The following PRDM2 variants were observed in gnomAD, a reference collection of about 807,000 sequenced individuals.
PRDM2 encodes PR/SET domain 2, also known as PR domain zinc finger protein 2.
A neutral mutation model predicts 130.0 loss-of-function variants in PRDM2; 30 were observed. That is an observed-to-expected ratio of 0.23 (90% CI 0.17 to 0.31). The LOEUF (loss-of-function observed/expected upper bound fraction) is 0.31, where lower values mean the gene tolerates loss of function less well. Ranked by LOEUF, PRDM2 falls within the 10% of genes least tolerant of loss-of-function variation. The pLI, the probability that PRDM2 is intolerant of heterozygous loss-of-function variation, is 1.00. For missense variants in PRDM2, 2,011 were observed against 2,108.4 expected, an observed-to-expected ratio of 0.95 and a Z score of 0.90; for synonymous variants, 871 against 782.4, an observed-to-expected ratio of 1.11 and a Z score of -1.89.
intron 6 of PRDM2, among the ~76,000 whole-genome samples, chr1:13,756,983 A>G (rs1199750931): frequency 2.6e-5 from 4 of 152,248 alleles, no homozygotes; most frequent in African/African-American, 9.6e-5. Flanking sequence ...GTTTTTATGC[A>G]TGATGTTTCT....
intron 8 of PRDM2, chr1:13,783,047 C>A: frequency 2.7e-6 from 3 of 1,114,680 alleles, no homozygotes; most frequent in Non-Finnish European, 2.5e-6. Context: ...CAAAGCAGTG[C>A]CACTTCTTTA....
chr1:13,726,585 C>T (rs950543778), intron 2 of PRDM2, among the ~76,000 whole-genome samples: 4 of 152,060 alleles, frequency 2.6e-5, no homozygotes, highest in East Asian at 1.9e-4. Context: ...GGAAGAGAAG[C>T]GGGTAGTGAC....
chr1:13,720,950 T>C (rs1642707740), intron 2 of PRDM2, among the ~76,000 whole-genome samples: 1 of 152,236 alleles, frequency 6.6e-6, no homozygotes, highest in South Asian at 2.1e-4. Flanking sequence ...CCCGTGTAAC[T>C]ATCACTGCTG....
At chr1:13,750,000 C>T (rs1643768176) in intron 6 of PRDM2, among the ~76,000 whole-genome samples, 1 of 152,192 alleles carries the variant, frequency 6.6e-6, no homozygotes, top group Admixed American at 6.5e-5. Context: ...CAGTGAGAGA[C>T]AGAGACAGGA....
Position 13,778,441 on chromosome 1 carries a change from C to G in PRDM2, c.646C>G (p.Pro216Ala), listed in dbSNP as rs530732909. ...AGGTCCTAAAGAAGACGAAGAGAAG[C>G]CTTCAGCCTCAGCACTTGAGCAGCC... ...AEGPKEDEEK[P>A]SASALEQPAT... The change falls in exon 8 of 10, where the codon CCT (proline) becomes GCT (alanine). Residue 216 changes from proline (P) to alanine (A), a missense_variant. Around this residue, in one of 5 missense-constraint regions of PRDM2, gnomAD observed 1,288 missense variants for 1,237.7 expected, o/e 1.04. Coordinates refer to ENST00000311066, the MANE Select transcript of PRDM2 (RefSeq NM_001393986.1). The G allele has an allele frequency of 1.9e-6, 3 of 1,611,184 alleles. No homozygotes were observed. In the Admixed American group the frequency reaches 5.1e-5, roughly 27 times the overall value.
intron 4 of PRDM2, among the ~76,000 whole-genome samples, chr1:13,733,780 A>C (rs937990610): frequency 2.0e-5 from 3 of 152,166 alleles, no homozygotes; most frequent in Non-Finnish European, 4.4e-5. Context: ...AGCCCCCCTG[A>C]GTTCTTAAAG....
Position 13,781,153 on chromosome 1 carries a change from G to T in PRDM2, c.3358G>T (p.Ala1120Ser). 1 of 1,614,188 alleles carries T rather than the reference G, an allele frequency of 6.2e-7. No homozygotes were observed. Among genetic ancestry groups the T allele is most frequent in the South Asian group, 1.1e-5 (1 of 91,080 alleles). ...ACCCAGGGAAGAGCCCCAGTCTGCT[G>T]CTGAACAGGATGTTGTTGTTCAGGA... is the stretch of plus-strand genomic sequence containing the variant. ...LKPREEPQSA[A>S]EQDVVVQETF... Residue 1120 changes from alanine to serine, a missense_variant, in exon 8 of 10, where the codon GCT becomes TCT. By Grantham distance (99) the Ala-to-Ser change is moderately conservative. Transcript: ENST00000311066. The surrounding 1 kb of genome is among the most constrained non-coding windows in gnomAD (Gnocchi z 6.1).
chr1:13,707,113 C>T (rs1040791728), intron 1 of PRDM2, among the ~76,000 whole-genome samples: 2 of 152,068 alleles, frequency 1.3e-5, no homozygotes, highest in African/African-American at 4.8e-5. Flanking sequence ...GGTTGTTCAC[C>T]TGTGAATTCA....
chr1:13,741,720 T>TGTGTG (rs1643447176), intron 4 of PRDM2, among the ~76,000 whole-genome samples: 2 of 112,548 alleles, frequency 1.8e-5, no homozygotes, highest in African/African-American at 4.1e-5. Context: ...CTCTTTAAGT[T>TGTGTG]TGTGTGTGTG....
chr1:13,807,991 AGTTTTT>A (rs1238165707), intron 8 of PRDM2, among the ~76,000 whole-genome samples: 1 of 152,112 alleles, frequency 6.6e-6, no homozygotes, highest in Non-Finnish European at 1.5e-5. Context: ...AAAGTCCATT[AGTTTTT>A]GTTCTAAGTA....
chr1:13,715,484 A>T, intron 1 of PRDM2, 57 bp from the exon 2 acceptor site: 1 of 806,794 alleles, frequency 1.2e-6, no homozygotes, highest in Non-Finnish European at 1.9e-6. Context: ...ATGTGGTTTT[A>T]AATCCCTGTA....
intron 8 of PRDM2, among the ~76,000 whole-genome samples, chr1:13,794,014 G>C (rs1272859425): frequency 2.0e-5 from 3 of 152,170 alleles, no homozygotes; most frequent in African/African-American, 7.2e-5. Context: ...AATGCAAGTT[G>C]AGACAGAGCT....
chr1:13,700,907 G>A (rs1396606047), intron 1 of PRDM2, among the ~76,000 whole-genome samples: 2 of 152,158 alleles, frequency 1.3e-5, no homozygotes, highest in Non-Finnish European at 2.9e-5. Context: ...TTACAGACGT[G>A]CAACTCTGTT....
In PRDM2 at chr1:13,734,514, G is replaced by T. The variant is rs528685161; in HGVS notation, c.231+1632G>T. 2.7e-4 allele frequency among the ~76,000 whole-genome samples: 41 copies of T among 152,238 alleles called. 1 individual carries two copies. The highest frequency in any genetic ancestry group is 9.9e-4 in the African/African-American group (41 of 41,540). Reference sequence around the variant, plus strand: ...ACAACTTGATGTTGTTGGGCATATTGTATAATTTATTAATAGTGCTTTTTG... The same window carrying T: ...ACAACTTGATGTTGTTGGGCATATTTTATAATTTATTAATAGTGCTTTTTG... On this transcript the variant is annotated intron_variant, in intron 4 of 9. Transcript: ENST00000311066.
At position 13,780,190 on chromosome 1, in the gene PRDM2, T is replaced by C; in HGVS notation, c.2395T>C (p.Cys799Arg). 6.2e-7 allele frequency: 1 copy of C among 1,600,554 alleles called. No individual in the cohort carries two copies. Among genetic ancestry groups the C allele is most frequent in the Non-Finnish European group, 8.5e-7 (1 of 1,172,414 alleles). ...RDERETVSPP[C>R]FDEYKMSKEW... is the part of the protein sequence containing the mutation. ...TGAGAGAGAAACTGTGAGCCCTCCA[T>C]GCTTTGATGAATATAAAATGTCTAA... The change falls in exon 8 of 10, where the codon TGC (cysteine) becomes CGC (arginine). Residue 799 changes from cysteine to arginine, a missense_variant. Physicochemically the swap from Cys to Arg is radical, Grantham distance 180. This residue lies in a region of PRDM2 where 1,288 missense variants were observed against 1,237.7 expected (regional missense o/e 1.04). Transcript: ENST00000311066.
chr1:13,815,402 G>C (rs535663963), intron 8 of PRDM2, among the ~76,000 whole-genome samples: 1 of 152,180 alleles, frequency 6.6e-6, no homozygotes, highest in Admixed American at 6.5e-5. Flanking sequence ...ATGAGCCACC[G>C]CACCTGGCCG....
chr1:13,812,887 A>G (rs532484872), intron 8 of PRDM2, among the ~76,000 whole-genome samples: 14 of 152,270 alleles, frequency 9.2e-5, no homozygotes, highest in Admixed American at 7.2e-4. Context: ...CTCTGTTGGC[A>G]GGCTGGCAGG....
chr1:13,749,998 GAC>G (rs1643768063), intron 6 of PRDM2, among the ~76,000 whole-genome samples: 1 of 152,220 alleles, frequency 6.6e-6, no homozygotes, highest in African/African-American at 2.4e-5. Flanking sequence ...GACAGTGAGA[GAC>G]AGAGACAGGA....
chr1:13,808,036 A>G (rs1645111766), intron 8 of PRDM2, among the ~76,000 whole-genome samples: 1 of 152,170 alleles, frequency 6.6e-6, no homozygotes, highest in African/African-American at 2.4e-5. Context: ...CTCCTAGAGT[A>G]GGCAGTAGAG....
Sources: allele counts gnomAD v4.1 joint callset (sites outside exome capture counted in the v4.1 genomes callset), GRCh38; gene constraint gnomAD v4.1.1; regional missense constraint gnomAD v4.1.1; non-coding constraint Gnocchi (gnomAD v3.1); transcripts MANE v1.5; gene names NCBI Gene and HGNC (gene_info 2026-07-23, HGNC 2026-07-21).